The following MYT1 variants were observed in gnomAD, a reference collection of about 807,000 sequenced individuals.
MYT1 encodes the protein myelin transcription factor I.
A neutral mutation model predicts 123.0 loss-of-function variants in MYT1; 23 were observed. That is an observed-to-expected ratio of 0.19 (90% confidence interval 0.13 to 0.26). MYT1 has a LOEUF of 0.26. MYT1 is among the 10% of genes least tolerant of loss of function. The probability of loss-of-function intolerance (pLI) is 1.00; values close to 1 mark genes in which losing one functional copy is unlikely to be tolerated. For synonymous variants in MYT1, 518 were observed against 575.3 expected, an observed-to-expected ratio of 0.90 and a Z score of 1.43; for missense variants, 1,125 against 1,472.5, an observed-to-expected ratio of 0.76 and a Z score of 3.86.
chr20:64,169,193 G>A (rs1324648299), intron 1 of MYT1, among the ~76,000 whole-genome samples: 5 of 152,112 alleles, frequency 3.3e-5, no homozygotes, highest in Non-Finnish European at 7.4e-5. Context: ...AGGAGAGTGG[G>A]AGTTTGGATG....
At position 64,229,132 on chromosome 20, in the gene MYT1, G is replaced by A. The variant is rs183266603; in HGVS notation, c.2675+1161G>A. On this transcript the variant is annotated intron_variant, in intron 18 of 22. Coordinates refer to ENST00000328439, the MANE Select transcript of MYT1 (RefSeq NM_004535.3). The stretch of plus-strand genomic sequence containing the variant: ...TGTTTGGTGTAATAGGCTGTGGCTT[G>A]TTTATTTATTTAATTTTTACAATAA... Among the ~76,000 whole-genome samples, 133 of 152,232 alleles carry A rather than the reference G, an allele frequency of 8.7e-4. 1 individual carries two copies. Among genetic ancestry groups the A allele is most frequent in the Non-Finnish European group, 2.8e-4 (19 of 68,002 alleles).
In MYT1 at chr20:64,241,360, A is replaced by G. The variant is rs537415481; in HGVS notation, c.*912A>G. 6.6e-6 allele frequency: 1 copy of G among 152,516 alleles called. No individual in the cohort carries two copies. The highest frequency in any genetic ancestry group is 1.5e-5 in the Non-Finnish European group (1 of 68,016). The allele number at this position is 152,516 out of a possible 1,614,324, so 9.4% of individuals were successfully genotyped here. On this transcript the variant is annotated 3_prime_UTR_variant, in exon 23 of 23. Coordinates refer to ENST00000328439, the MANE Select transcript of MYT1 (RefSeq NM_004535.3). This position sits in a 1 kb window ranked among gnomAD's most constrained non-coding sequence, Gnocchi z 4.2. ...CCTAACAGGAGACCACAAAGGTTTCACTTCTTTTAGATCCATCCAATATGC... is the reference window on the plus strand; with the variant it reads ...CCTAACAGGAGACCACAAAGGTTTCGCTTCTTTTAGATCCATCCAATATGC...
At chr20:64,228,615 ACT>A (rs1319507278) in intron 18 of MYT1, among the ~76,000 whole-genome samples, 1 of 151,822 alleles carries the variant, frequency 6.6e-6, no homozygotes, top group Non-Finnish European at 1.5e-5. Context: ...GTGAACCCTG[ACT>A]CTGTGTGTTA....
intron 18 of MYT1, 114 bp downstream of exon 18, chr20:64,228,085 C>T: frequency 1.0e-6 from 1 of 986,820 alleles, no homozygotes; most frequent in South Asian, 1.5e-5. Context: ...AACGGGTCAC[C>T]TAACTGACCA....
intron 1 of MYT1, among the ~76,000 whole-genome samples, chr20:64,170,134 C>T (rs1036532278): frequency 6.6e-6 from 1 of 152,162 alleles, no homozygotes; most frequent in African/African-American, 2.4e-5. Flanking sequence ...GGGTTGTTAC[C>T]CACGATTCCC....
intron 1 of MYT1, among the ~76,000 whole-genome samples, chr20:64,184,077 C>A (rs1237121779): frequency 6.6e-6 from 1 of 152,160 alleles, no homozygotes; most frequent in East Asian, 1.9e-4. Context: ...GCCTCAGTCT[C>A]CCAAAGTGTT....
chr20:64,165,910 G>A (rs1982065445), intron 1 of MYT1, among the ~76,000 whole-genome samples: 1 of 152,154 alleles, frequency 6.6e-6, no homozygotes, highest in Non-Finnish European at 1.5e-5. Flanking sequence ...TGGGAGGGAT[G>A]TGGGGCAGAC....
chr20:64,217,130 C>G lies in MYT1; in HGVS notation c.1695C>G (p.Ala565=). 6.2e-7 allele frequency: 1 copy of G among 1,614,148 alleles called. No homozygotes were observed. Among genetic ancestry groups the G allele is most frequent in the Middle Eastern group, 1.6e-4 (1 of 6,062 alleles). Residue 565 remains alanine, a synonymous_variant, in exon 11 of 23, where the codon GCC becomes GCG. Transcript: ENST00000328439. ...PPYGSYRPNV[A]PATPRANLAK... is the part of the protein sequence containing the mutation. ...ATGGGAGCTACCGGCCCAACGTGGC[C>G]CCCGCCACACCCAGGGCCAACTTGG...
chr20:64,237,240 G>T, intron 20 of MYT1, 47 bp from the exon 21 acceptor site: 1 of 1,545,268 alleles, frequency 6.5e-7, no homozygotes, highest in South Asian at 1.2e-5. Flanking sequence ...TTTGGCCCAG[G>T]CCTGCCTGAG....
rs538709900 is a variant in MYT1, at chr20:64,215,759, G to A, written c.1632-1308G>A. ...CATCATACCTGCCTATTTTTTTTGC[G>A]TTTTTTTTTTTTTCTTTTTTTTGTA... On this transcript the variant is annotated intron_variant, in intron 10 of 22. Transcript: ENST00000328439. Among the ~76,000 whole-genome samples the A allele has an allele frequency of 2.3e-4, 32 of 139,992 alleles. 1 individual carries two copies. In the East Asian group the frequency reaches 6.3e-3, roughly 28 times the overall value. 91.8% of individuals were successfully genotyped at this position (139,992 alleles called of 152,430 possible).
intron 19 of MYT1, among the ~76,000 whole-genome samples, chr20:64,233,914 C>G (rs1984419254): frequency 6.6e-6 from 1 of 152,146 alleles, no homozygotes; most frequent in African/African-American, 2.4e-5. Flanking sequence ...AAGTTCTAAG[C>G]CAGGGCTTAT....
intron 1 of MYT1, among the ~76,000 whole-genome samples, chr20:64,180,108 C>T (rs1982604149): frequency 6.6e-6 from 1 of 151,786 alleles, no homozygotes. Context: ...ACATGCTACA[C>T]ACACGCTACA....
intron 16 of MYT1, among the ~76,000 whole-genome samples, chr20:64,224,004 A>G (rs569710958): frequency 6.6e-6 from 1 of 152,288 alleles, no homozygotes; most frequent in South Asian, 2.1e-4. Context: ...ACAGTCCTGC[A>G]CAACCAGGCG....
In MYT1 at chr20:64,212,180, GGCCGTGGTGGGGGCC is replaced by G; in HGVS notation, c.1517+43_1517+57del. On this transcript the variant is annotated intron_variant, in intron 9 of 22. Transcript: ENST00000328439. This position sits in a 1 kb window ranked among gnomAD's most constrained non-coding sequence, Gnocchi z 6.8. ...GGGCCGTAGTGGGGGCCAGGGTGGG[GGCCGTGGTGGGGGCC>G]AGGGTGGGGGCCGTGGTGGGGGCCA... The G allele has an allele frequency of 2.3e-6, 2 of 885,156 alleles. No homozygotes were observed. The highest frequency in any genetic ancestry group is 1.6e-5 in the South Asian group (1 of 62,146). The allele number at this position is 885,156 out of a possible 1,614,324, so 54.8% of individuals were successfully genotyped here.
At position 64,167,677 on chromosome 20, in the gene MYT1, G is replaced by T. The variant is rs1982122841; in HGVS notation, c.-99+2938G>T. ...TGCCTGTTCTCTTGTAGGAACCTGG[G>T]CGGGAGAGTGGAGCAGGGTGCCCGC... is the stretch of plus-strand genomic sequence containing the variant. On this transcript the variant is annotated intron_variant, in intron 1 of 22. Transcript: ENST00000328439. This position sits in a 1 kb window ranked among gnomAD's most constrained non-coding sequence, Gnocchi z 6.3. Among the ~76,000 whole-genome samples the T allele has an allele frequency of 6.6e-6, 1 of 152,172 alleles. No individual in the cohort carries two copies. Among genetic ancestry groups the T allele is most frequent in the African/African-American group, 2.4e-5 (1 of 41,440 alleles).
rs943268570 is a variant in MYT1 at position 64,218,150 on chromosome 20, C to T, written c.1847-761C>T. Among the ~76,000 whole-genome samples, 7 of 152,214 alleles carry T rather than the reference C, an allele frequency of 4.6e-5. No individual in the cohort carries two copies. The highest frequency in any genetic ancestry group is 1.7e-4 in the African/African-American group (7 of 41,452). Reference sequence around the variant, plus strand: ...ACCTGCTCTTTAGGATGGAGGACTTCCTGCCTCCAGGCACACATGCCTACT... The same window carrying T: ...ACCTGCTCTTTAGGATGGAGGACTTTCTGCCTCCAGGCACACATGCCTACT... On this transcript the variant is annotated intron_variant, in intron 11 of 22. Coordinates refer to ENST00000328439, the MANE Select transcript of MYT1 (RefSeq NM_004535.3). The surrounding 1 kb of genome is among the most constrained non-coding windows in gnomAD (Gnocchi z 4.0).
chr20:64,211,375 G>A (rs1983660200), intron 8 of MYT1, 35 bp downstream of exon 8: 1 of 1,585,400 alleles, frequency 6.3e-7, no homozygotes, highest in African/African-American at 1.3e-5. Context: ...CCCTAACTGT[G>A]AAGCTCACGC....
At chr20:64,187,829 C>T (rs1489855906) in intron 1 of MYT1, among the ~76,000 whole-genome samples, 1 of 152,206 alleles carries the variant, frequency 6.6e-6, no homozygotes, top group Non-Finnish European at 1.5e-5. Flanking sequence ...GGAGGGTCTA[C>T]GCTTGGGGGT....
rs1401061265 is a variant in MYT1, at chr20:64,192,489, G to C, written c.-1+2329G>C. Among the ~76,000 whole-genome samples the C allele has an allele frequency of 6.6e-6, 1 of 152,228 alleles. No individual in the cohort carries two copies. Among genetic ancestry groups the C allele is most frequent in the Non-Finnish European group, 1.5e-5 (1 of 68,036 alleles). On this transcript the variant is annotated intron_variant, in intron 2 of 22. Transcript: ENST00000328439. This position sits in a 1 kb window ranked among gnomAD's most constrained non-coding sequence, Gnocchi z 5.3. ...CAGAGGCTGGCTTCGGACAGGAGAT[G>C]GGTGGTGAGGAGCCAGCATGGGAGG...
Sources: allele counts gnomAD v4.1 joint callset (sites outside exome capture counted in the v4.1 genomes callset), GRCh38; gene constraint gnomAD v4.1.1; non-coding constraint Gnocchi (gnomAD v3.1); transcripts MANE v1.5; gene names NCBI Gene and HGNC (gene_info 2026-07-23, HGNC 2026-07-21).